The following CDIN1 variants were observed in gnomAD, a reference collection of about 807,000 sequenced individuals.
CDIN1 encodes the protein CDAN1-interacting nuclease 1.
Under a neutral mutation model 45.3 loss-of-function variants are expected in CDIN1, and 33 were observed. The ratio of observed to expected loss-of-function variants is 0.73; its 90% CI spans 0.55 to 0.97. The LOEUF (loss-of-function observed/expected upper bound fraction) is 0.97, where lower values mean the gene tolerates loss of function less well. CDIN1 is among the 50% of genes least tolerant of loss of function. CDIN1 has a pLI of 0.00. For synonymous variants in CDIN1, 118 were observed against 124.4 expected (o/e 0.95, Z 0.34); for missense variants, 303 against 339.4 (o/e 0.89, Z 0.84).
intron 1 of CDIN1, among the ~76,000 whole-genome samples, chr15:36,624,978 G>A (rs977228978): frequency 6.6e-6 from 1 of 152,022 alleles, no homozygotes; most frequent in African/African-American, 2.4e-5. Context: ...TATTTAAATG[G>A]TTTTAAAAAG....
At chr15:36,654,645 CCTT>C (rs1245455602) in intron 4 of CDIN1, among the ~76,000 whole-genome samples, 5 of 151,958 alleles carry the variant, frequency 3.3e-5, no homozygotes, top group Admixed American at 6.6e-5. Flanking sequence ...AGAAAAGTCT[CCTT>C]CTTTATATGA....
intron 10 of CDIN1, among the ~76,000 whole-genome samples, chr15:36,792,021 T>C (rs1309450387): frequency 6.6e-6 from 1 of 152,202 alleles, no homozygotes; most frequent in Non-Finnish European, 1.5e-5. Context: ...CGCAGGGACC[T>C]CAGTCTAACC....
chr15:36,621,878 T>C (rs111952349), intron 1 of CDIN1, among the ~76,000 whole-genome samples: 2 of 150,286 alleles, frequency 1.3e-5, no homozygotes, highest in Admixed American at 1.3e-4. Context: ...TTCAGTTTTT[T>C]TTTTTTTCCT....
chr15:36,807,831 C>T (rs1212580944), intron 10 of CDIN1, among the ~76,000 whole-genome samples: 3 of 152,128 alleles, frequency 2.0e-5, no homozygotes, highest in African/African-American at 7.2e-5. Context: ...ATAAGTAGAA[C>T]AGTATAGCCA....
At chr15:36,618,298 T>G in intron 1 of CDIN1, 1 of 667,258 alleles carries the variant, frequency 1.5e-6, no homozygotes. Flanking sequence ...CAGATCTAGT[T>G]CAAAAAATTT....
In CDIN1 at chr15:36,709,934, A is replaced by T; in HGVS notation, c.689A>T (p.His230Leu). 1 of 1,613,124 alleles carries T rather than the reference A, an allele frequency of 6.2e-7. No homozygotes were observed. Among genetic ancestry groups the T allele is most frequent in the Non-Finnish European group, 8.5e-7 (1 of 1,179,276 alleles). ...GDECSHHAYL[H>L]DQFWSYWNRF... The stretch of plus-strand genomic sequence containing the variant: ...GAATGTAGCCACCACGCCTACCTGC[A>T]TGACCAGTTCTGGAGCTACTGGAAT... The change falls in exon 10 of 11, where the codon CAT becomes CTT. Residue 230 changes from histidine to leucine, a missense_variant. By Grantham distance (99) the His-to-Leu change is moderately conservative. Coordinates refer to ENST00000566621, the MANE Select transcript of CDIN1 (RefSeq NM_001321759.2).
chr15:36,679,807 A>AG (rs2041787023), intron 5 of CDIN1, among the ~76,000 whole-genome samples: 1 of 152,140 alleles, frequency 6.6e-6, no homozygotes, highest in African/African-American at 2.4e-5. Flanking sequence ...GTCTTGTGTC[A>AG]GGAAGCCAGG....
At chr15:36,768,311 A>C (rs2053978616) in intron 10 of CDIN1, among the ~76,000 whole-genome samples, 1 of 152,224 alleles carries the variant, frequency 6.6e-6, no homozygotes, top group Non-Finnish European at 1.5e-5. Flanking sequence ...CTACTGCCTC[A>C]ATCAGACCTC....
chr15:36,699,097 T>G (rs1458350562), intron 8 of CDIN1, among the ~76,000 whole-genome samples: 1 of 152,184 alleles, frequency 6.6e-6, no homozygotes, highest in Non-Finnish European at 1.5e-5. Context: ...TCAAACAGGA[T>G]ATTTAATTGA....
rs569940255 is a variant in CDIN1, at chr15:36,683,103, A to G, written c.347-8582A>G. On this transcript the variant is annotated intron_variant, in intron 5 of 10. Coordinates refer to ENST00000566621, the MANE Select transcript of CDIN1 (RefSeq NM_001321759.2). Reference sequence around the variant, plus strand: ...CAAAGATGTTACTGATAAAGATTATATATTGTTTAAGTTTAAACATTCTTT... The same window carrying G: ...CAAAGATGTTACTGATAAAGATTATGTATTGTTTAAGTTTAAACATTCTTT... Among the ~76,000 whole-genome samples the G allele has an allele frequency of 1.6e-4, 25 of 152,362 alleles. 1 individual carries two copies. The East Asian group carries it at 3.1e-3, about 19-fold the overall frequency.
intron 10 of CDIN1, among the ~76,000 whole-genome samples, chr15:36,800,897 G>A (rs1334225966): frequency 0.017 from 453 of 26,564 alleles, 3 homozygotes; most frequent in South Asian, 0.053. Context: ...GTGTGTGTGT[G>A]TGTGTGTGTG....
chr15:36,614,331 C>T, intron 1 of CDIN1: 1 of 548,518 alleles, frequency 1.8e-6, no homozygotes, highest in Non-Finnish European at 3.5e-6. Flanking sequence ...TTTCGCCACC[C>T]CCTTCTCCCC....
intron 10 of CDIN1, among the ~76,000 whole-genome samples, chr15:36,774,163 T>TGTGTGCGCGCGC (rs149222188): frequency 5.0e-4 from 72 of 143,150 alleles, no homozygotes; most frequent in African/African-American, 1.1e-3. Context: ...TGTGTGTGTG[T>TGTGTGCGCGCGC]GCGCGCGCGC....
chr15:36,675,129 G>A (rs574069371), intron 5 of CDIN1, among the ~76,000 whole-genome samples: 19 of 151,982 alleles, frequency 1.3e-4, no homozygotes, highest in Non-Finnish European at 2.5e-4. Context: ...TTATTATCCT[G>A]GCATAATGGT....
At chr15:36,750,122 G>C (rs888739122) in intron 10 of CDIN1, among the ~76,000 whole-genome samples, 1 of 151,986 alleles carries the variant, frequency 6.6e-6, no homozygotes, top group Non-Finnish European at 1.5e-5. Context: ...CAGGAGAGGG[G>C]AAGAAGAAAC....
chr15:36,788,100 ATATATATTTTTT>A (rs1209402789), intron 10 of CDIN1, among the ~76,000 whole-genome samples: 604 of 35,002 alleles, frequency 0.017, 1 homozygote, highest in Middle Eastern at 0.1. Context: ...ATATATATAT[ATATATATTTTTT>A]TTTTTTTTTT....
intron 1 of CDIN1, among the ~76,000 whole-genome samples, chr15:36,612,463 G>A (rs1236755390): frequency 2.6e-5 from 4 of 152,138 alleles, no homozygotes; most frequent in Admixed American, 6.5e-5. Context: ...CCTCGTAAGC[G>A]AACCTCACCC....
chr15:36,784,928 A>AT (rs2054452133), intron 10 of CDIN1, among the ~76,000 whole-genome samples: 1 of 152,034 alleles, frequency 6.6e-6, no homozygotes, highest in Non-Finnish European at 1.5e-5. Context: ...GGCAGGTGTG[A>AT]TTTTTCCCTG....
intron 5 of CDIN1, among the ~76,000 whole-genome samples, chr15:36,661,278 A>G (rs1307892378): frequency 1.3e-5 from 2 of 152,212 alleles, no homozygotes; most frequent in African/African-American, 4.8e-5. Context: ...TAAAAGCAGG[A>G]GATAAAGAGC....
Sources: gnomAD v4.1 joint callset for allele counts (sites outside exome capture counted in the v4.1 genomes callset) on GRCh38, gnomAD v4.1.1 for gene constraint, MANE v1.5 for transcripts, NCBI Gene and HGNC (gene_info 2026-07-23, HGNC 2026-07-21) for gene names.